Variants in PIK3C2G observed in about 807,000 individuals in gnomAD.
PIK3C2G encodes the protein phosphatidylinositol 3-kinase C2 domain-containing subunit gamma.
Under a neutral mutation model 181.1 loss-of-function variants are expected in PIK3C2G, and 168 were observed. That is an observed-to-expected ratio of 0.93 (90% confidence interval 0.82 to 1.05). The LOEUF is 1.05. Ranked by LOEUF, PIK3C2G falls within the 50% of genes least tolerant of loss-of-function variation. The pLI is 0.00. For synonymous variants in PIK3C2G, 573 were observed against 592.2 expected, an observed-to-expected ratio of 0.97 and a Z score of 0.47; for missense variants, 1,869 against 1,732.8, an observed-to-expected ratio of 1.08 and a Z score of -1.40.
intron 32 of PIK3C2G, among the ~76,000 whole-genome samples, chr12:18,643,131 T>G (rs2136816977): frequency 6.6e-6 from 1 of 152,240 alleles, no homozygotes; most frequent in East Asian, 1.9e-4. Context: ...ATTTCAAGCT[T>G]TATGTATTAT....
chr12:18,308,316 TAAC>T (rs1355772250), intron 5 of PIK3C2G, among the ~76,000 whole-genome samples: 1 of 151,788 alleles, frequency 6.6e-6, no homozygotes, highest in Non-Finnish European at 1.5e-5. Flanking sequence ...ATTCTGGAAC[TAAC>T]AATAAGCCAG....
intron 7 of PIK3C2G, among the ~76,000 whole-genome samples, chr12:18,323,027 G>A (rs1951178815): frequency 6.6e-6 from 1 of 152,164 alleles, no homozygotes; most frequent in South Asian, 2.1e-4. Flanking sequence ...CTGGGTTGGT[G>A]GAGGGTTGTT....
At chr12:18,662,335 A>G in the PIK3C2G span, among the ~76,000 whole-genome samples, 1 of 152,070 alleles carries the variant, frequency 6.6e-6, no homozygotes, top group African/African-American at 2.4e-5. Flanking sequence ...CAATTTTTAA[A>G]AAACACAAAA....
chr12:18,484,105 G>A (rs539902860), intron 18 of PIK3C2G, among the ~76,000 whole-genome samples: 1 of 152,250 alleles, frequency 6.6e-6, no homozygotes, highest in East Asian at 1.9e-4. Context: ...ACATTCTGTT[G>A]ACCAAAGCAA....
chr12:18,420,873 T>A, intron 16 of PIK3C2G, 68 bp from the exon 17 acceptor site: 1 of 815,184 alleles, frequency 1.2e-6, no homozygotes, highest in Admixed American at 1.8e-5. Context: ...TTCTCTGTTC[T>A]CCCTGACATG....
At chr12:18,612,536 A>G (rs1003877968) in intron 31 of PIK3C2G, among the ~76,000 whole-genome samples, 1 of 152,098 alleles carries the variant, frequency 6.6e-6, no homozygotes, top group African/African-American at 2.4e-5. Flanking sequence ...TCTTCCAAAA[A>G]TCATCACAGC....
intron 16 of PIK3C2G, among the ~76,000 whole-genome samples, chr12:18,407,500 C>T (rs1253051960): frequency 6.6e-6 from 1 of 152,070 alleles, no homozygotes; most frequent in African/African-American, 2.4e-5. Flanking sequence ...TGATGGCCTA[C>T]TCACCTTAGA....
chr12:18,529,928 C>G (rs962030369), intron 24 of PIK3C2G, among the ~76,000 whole-genome samples: 3 of 152,100 alleles, frequency 2.0e-5, no homozygotes, highest in Non-Finnish European at 4.4e-5. Context: ...TAACCAAGTG[C>G]CACAACCCAC....
intron 24 of PIK3C2G, among the ~76,000 whole-genome samples, chr12:18,520,355 A>C (rs1942833720): frequency 6.6e-6 from 1 of 152,096 alleles, no homozygotes; most frequent in Non-Finnish European, 1.5e-5. Context: ...CAGGTACTCC[A>C]ATCAGTCATA....
At chr12:18,574,449 G>A (rs1160070486) in intron 29 of PIK3C2G, among the ~76,000 whole-genome samples, 1 of 152,100 alleles carries the variant, frequency 6.6e-6, no homozygotes, top group Non-Finnish European at 1.5e-5. Flanking sequence ...CTATTATCAA[G>A]TTCTGAGTGA....
intron 30 of PIK3C2G, among the ~76,000 whole-genome samples, chr12:18,608,575 G>A (rs1328479548): frequency 1.1e-4 from 14 of 131,952 alleles, no homozygotes; most frequent in Non-Finnish European, 3.2e-5. Context: ...GGGGAGGGGG[G>A]AGGAATAGCA....
At chr12:18,295,947 C>T (rs1484418239) in intron 5 of PIK3C2G, among the ~76,000 whole-genome samples, 1 of 152,040 alleles carries the variant, frequency 6.6e-6, no homozygotes, top group African/African-American at 2.4e-5. Flanking sequence ...TAAAGCTCTT[C>T]TTTATACAGA....
chr12:18,709,997 C>T, the PIK3C2G span, among the ~76,000 whole-genome samples: 2 of 151,532 alleles, frequency 1.3e-5, no homozygotes, highest in African/African-American at 2.4e-5. Context: ...TTAAATATGT[C>T]GATTTTGTGT....
At chr12:18,317,180 A>C (rs1306001020) in intron 6 of PIK3C2G, among the ~76,000 whole-genome samples, 1 of 151,440 alleles carries the variant, frequency 6.6e-6, no homozygotes. Flanking sequence ...TGCCTGGCTA[A>C]TTTTTGTATT....
In PIK3C2G at chr12:18,293,975, C is replaced by T; in HGVS notation, c.994C>T (p.His332Tyr). ...AAATGACCAGCTACTCCCCAAAGAT[C>T]ATATTCTAAGTGTATGTGGCTCTGA... ...CTNDQLLPKDHILSVCGSEEF... is the reference protein window; with the variant it reads ...CTNDQLLPKDYILSVCGSEEF... Residue 332 changes from histidine to tyrosine, a missense_variant, in exon 5 of 33, where the codon CAT becomes TAT. Physicochemically the swap from His to Tyr is moderately conservative, Grantham distance 83 (BLOSUM62 2). Transcript: ENST00000538779. 6.3e-7 allele frequency: 1 copy of T among 1,598,084 alleles called. No individual in the cohort carries two copies. Among genetic ancestry groups the T allele is most frequent in the Non-Finnish European group, 8.6e-7 (1 of 1,165,708 alleles).
At chr12:18,394,011 C>G (rs1943707983) in intron 15 of PIK3C2G, among the ~76,000 whole-genome samples, 1 of 151,998 alleles carries the variant, frequency 6.6e-6, no homozygotes, top group South Asian at 2.1e-4. Context: ...ACTCAACTTT[C>G]CAGGTGGAAA....
chr12:18,488,508 C>T lies in PIK3C2G; in HGVS notation c.2564C>T (p.Ala855Val). The T allele has an allele frequency of 6.4e-7, 1 of 1,569,998 alleles. No homozygotes were observed. Residue 855 changes from alanine (A) to valine (V), a missense_variant, in exon 19 of 33, where the codon GCT becomes GTT. Physicochemically the swap from Ala to Val is moderately conservative, Grantham distance 64. Transcript: ENST00000538779. The part of the protein sequence containing the change: ...YFKSWYQKLL[A>V]ALQFCAGKAL... ...AAAAGCTGGTATCAGAAGCTACTAG[C>T]TGCTCTCCAATTCTGTGCAGGTAAA...
intron 5 of PIK3C2G, among the ~76,000 whole-genome samples, chr12:18,305,137 C>G (rs933602631): frequency 3.3e-5 from 5 of 152,032 alleles, no homozygotes; most frequent in Non-Finnish European, 7.4e-5. Flanking sequence ...AGCTAATGAC[C>G]ACAAAAATAG....
chr12:18,290,905 T>C lies in PIK3C2G; in HGVS notation c.812T>C (p.Ile271Thr). 1 of 1,599,284 alleles carries C rather than the reference T, an allele frequency of 6.3e-7. No homozygotes were observed. Among genetic ancestry groups the C allele is most frequent in the Non-Finnish European group, 8.6e-7 (1 of 1,166,734 alleles). ...GATGTTAATTTCAATTCTGGGAAGA[T>C]CTGGAGCACTACTACAGCATTTCCG... is the stretch of plus-strand genomic sequence containing the variant. Reference protein sequence around the residue: ...AADVNFNSGKIWSTTTAFPYQ... With the variant: ...AADVNFNSGKTWSTTTAFPYQ... Residue 271 changes from isoleucine to threonine, a missense_variant, in exon 4 of 33, where the codon ATC (isoleucine) becomes ACC (threonine). Coordinates refer to ENST00000538779, the MANE Select transcript of PIK3C2G (RefSeq NM_001288772.2).
Sources: allele counts gnomAD v4.1 joint callset (sites outside exome capture counted in the v4.1 genomes callset), GRCh38; gene constraint gnomAD v4.1.1; transcripts MANE v1.5; gene names NCBI Gene and HGNC (gene_info 2026-07-23, HGNC 2026-07-21).